FRMPD4: variants seen among roughly 807,000 people sequenced by gnomAD.
FRMPD4 encodes the protein FERM and PDZ domain containing 4.
Under a neutral mutation model 94.1 loss-of-function variants are expected in FRMPD4, and 22 were observed. The observed-to-expected ratio is 0.23, with a 90% CI of 0.17 to 0.33. The LOEUF (loss-of-function observed/expected upper bound fraction) is 0.33. Ranked by LOEUF, FRMPD4 falls within the 10% of genes least tolerant of loss-of-function variation. The pLI is 1.00. For missense variants in FRMPD4, 1,111 were observed against 1,339.9 expected (o/e 0.83, Z 2.67); for synonymous variants, 631 against 548.6 (o/e 1.15, Z -2.10).
At chrX:12,106,129 C>T (rs777395815) in intron 3 of FRMPD4, among the ~76,000 whole-genome samples, 1 of 111,425 alleles carries the variant, frequency 9.0e-6, no homozygotes, top group South Asian at 3.8e-4. Context: ...GGAGGAGATC[C>T]ACTCTATAAG....
At chrX:12,039,985 G>T (rs73190524) in intron 3 of FRMPD4, among the ~76,000 whole-genome samples, 1 of 95,765 alleles carries the variant, frequency 1.0e-5, no homozygotes, top group Admixed American at 1.2e-4. Flanking sequence ...AAAAAAAAAA[G>T]AAAAAAAAAG....
intron 1 of FRMPD4, among the ~76,000 whole-genome samples, chrX:12,145,945 A>C (rs2055758707): frequency 8.9e-6 from 1 of 111,810 alleles, no homozygotes; most frequent in Non-Finnish European, 1.9e-5. Context: ...GTTAACTTAG[A>C]AGCTTTGTAA....
chrX:12,225,267 C>T (rs957333982), intron 1 of FRMPD4, among the ~76,000 whole-genome samples: 7 of 111,874 alleles, frequency 6.3e-5, no homozygotes, highest in Admixed American at 1.9e-4. Flanking sequence ...GTTACTTGCA[C>T]GTAAATCTTT....
chrX:12,334,231 G>A (rs1279055008), intron 1 of FRMPD4, among the ~76,000 whole-genome samples: 2 of 111,612 alleles, frequency 1.8e-5, no homozygotes, highest in Non-Finnish European at 3.8e-5. Context: ...AACCAGTTTT[G>A]CATTAAAATT....
At chrX:12,505,020 C>T (rs1352474317) in intron 2 of FRMPD4, among the ~76,000 whole-genome samples, 1 of 111,712 alleles carries the variant, frequency 9.0e-6, no homozygotes, top group East Asian at 2.8e-4. Context: ...AGCTAGTGCA[C>T]TGGGTCGCCT....
At chrX:12,418,091 G>A (rs910941756) in intron 1 of FRMPD4, among the ~76,000 whole-genome samples, 12 of 109,671 alleles carry the variant, frequency 1.1e-4, no homozygotes, top group African/African-American at 1.7e-4. Flanking sequence ...TCGTGACACC[G>A]AAAAGGTTCA....
intron 1 of FRMPD4, among the ~76,000 whole-genome samples, chrX:12,435,330 C>T (rs759048546): frequency 1.2e-4 from 13 of 111,539 alleles, no homozygotes; most frequent in Non-Finnish European, 2.1e-4. Context: ...TAACTGGAAT[C>T]TCTAGCACAA....
chrX:12,538,985 C>T (rs1415686376), intron 2 of FRMPD4, among the ~76,000 whole-genome samples: 1 of 112,029 alleles, frequency 8.9e-6, no homozygotes, highest in African/African-American at 3.2e-5. Context: ...GATCAAACTT[C>T]TGCGAGCTAA....
At chrX:12,363,165 A>G (rs1260642380) in intron 1 of FRMPD4, among the ~76,000 whole-genome samples, 1 of 111,698 alleles carries the variant, frequency 9.0e-6, no homozygotes, top group Non-Finnish European at 1.9e-5. Context: ...TTGCCTGTTC[A>G]CTCTGATGGT....
At chrX:12,690,158 G>A (rs1403317164) in intron 7 of FRMPD4, 37 bp from the exon 8 acceptor site, 11 of 1,149,359 alleles carry the variant, frequency 9.6e-6, no homozygotes, top group East Asian at 9.2e-5. Context: ...TGGCAGCTTC[G>A]ATTTTGGTCT....
At chrX:12,325,523 A>G (rs1159832859) in intron 1 of FRMPD4, among the ~76,000 whole-genome samples, 3 of 112,730 alleles carry the variant, frequency 2.7e-5, no homozygotes, top group Non-Finnish European at 5.6e-5. Context: ...CTCTGTCACA[A>G]TGACTGAACT....
chrX:12,423,300 G>T (rs1261758327), intron 1 of FRMPD4, among the ~76,000 whole-genome samples: 1 of 111,355 alleles, frequency 9.0e-6, no homozygotes, highest in East Asian at 2.8e-4. Flanking sequence ...GAAATCTGTT[G>T]GTACATGATT....
chrX:12,512,992 T>C (rs1300371616), intron 2 of FRMPD4, among the ~76,000 whole-genome samples: 1 of 112,568 alleles, frequency 8.9e-6, no homozygotes, highest in Non-Finnish European at 1.9e-5. Flanking sequence ...CTTTTCTTCA[T>C]ATATTTCTTG....
In FRMPD4 at chrX:11,963,006, CTAA is replaced by C. The variant is rs760068623; in HGVS notation, c.95+84995_95+84997del. On this transcript the variant is annotated intron_variant, in intron 3 of 18. Transcript: ENST00000640291. The stretch of plus-strand genomic sequence containing the variant: ...TCCTACTAACCCCTCATCACCACTA[CTAA>C]TAATAAGAATTTGTACTATTGCTCT... 8.0e-5 allele frequency among the ~76,000 whole-genome samples: 9 copies of C among 112,146 alleles called. No individual in the cohort carries two copies. In the South Asian group the frequency reaches 3.4e-3, roughly 42 times the overall value.
At chrX:12,712,955 G>T (rs554586212) in intron 14 of FRMPD4, among the ~76,000 whole-genome samples, 1 of 110,986 alleles carries the variant, frequency 9.0e-6, no homozygotes, top group South Asian at 3.9e-4. Context: ...GCATACACCT[G>T]TGGTCCCAGC....
chrX:12,677,731 A>T (rs1296220299), intron 5 of FRMPD4, among the ~76,000 whole-genome samples: 5 of 111,985 alleles, frequency 4.5e-5, no homozygotes, highest in Non-Finnish European at 9.4e-5. Context: ...TTCCGGCCAC[A>T]TTCCACATGT....
intron 3 of FRMPD4, among the ~76,000 whole-genome samples, chrX:12,080,738 A>T (rs1046609342): frequency 2.7e-5 from 3 of 112,474 alleles, no homozygotes; most frequent in African/African-American, 9.7e-5. Context: ...ATTATAATTC[A>T]GAGAGAATTT....
intron 4 of FRMPD4, among the ~76,000 whole-genome samples, chrX:12,649,483 A>G (rs2059578340): frequency 9.0e-6 from 1 of 111,507 alleles, no homozygotes; most frequent in Non-Finnish European, 1.9e-5. Flanking sequence ...TCCCCTCCTG[A>G]CCCACATTCT....
chrX:12,069,241 A>T (rs2054946119), intron 3 of FRMPD4, among the ~76,000 whole-genome samples: 1 of 111,777 alleles, frequency 8.9e-6, no homozygotes, highest in African/African-American at 3.3e-5. Flanking sequence ...CGAGGGGAAG[A>T]CTGCTGGTAG....
Sources: gnomAD v4.1 joint callset for allele counts (sites outside exome capture counted in the v4.1 genomes callset) on GRCh38, gnomAD v4.1.1 for gene constraint, MANE v1.5 for transcripts, NCBI Gene and HGNC (gene_info 2026-07-23, HGNC 2026-07-21) for gene names.